The following KIF1B variants were observed in gnomAD, a reference collection of about 807,000 sequenced individuals.
The protein encoded by KIF1B is kinesin-like protein KIF1B.
In KIF1B, 76 loss-of-function variants were observed where a neutral mutation model predicts 241.9. The observed-to-expected ratio is 0.31, with a 90% confidence interval of 0.26 to 0.38. The LOEUF (loss-of-function observed/expected upper bound fraction) is 0.38. KIF1B is among the 10% of genes least tolerant of loss of function. The pLI is 1.00. For missense variants in KIF1B, 1,622 were observed against 2,271.4 expected, an observed-to-expected ratio of 0.71 and a Z score of 5.81; for synonymous variants, 750 against 796.7, an observed-to-expected ratio of 0.94 and a Z score of 0.99.
At chr1:10,353,053 AT>A (rs1323336825) in intron 38 of KIF1B, among the ~76,000 whole-genome samples, 1 of 152,244 alleles carries the variant, frequency 6.6e-6, no homozygotes, top group African/African-American at 2.4e-5. Context: ...TTCCCCAAGG[AT>A]TTAAAAGTAC....
chr1:10,233,213 G>C (rs1358558622), intron 2 of KIF1B, among the ~76,000 whole-genome samples: 1 of 152,172 alleles, frequency 6.6e-6, no homozygotes, highest in Non-Finnish European at 1.5e-5. Context: ...AATCTAGCTA[G>C]ATATTGCAGC....
At chr1:10,264,492 G>A (rs1394083003) in intron 5 of KIF1B, among the ~76,000 whole-genome samples, 2 of 152,338 alleles carry the variant, frequency 1.3e-5, no homozygotes, top group Admixed American at 1.3e-4. Flanking sequence ...AAAGGTACGA[G>A]TGTTCCAAAA....
At chr1:10,275,599 T>A in intron 11 of KIF1B, 96 bp downstream of exon 11, 1 of 803,086 alleles carries the variant, frequency 1.2e-6, no homozygotes, top group East Asian at 2.5e-5. Context: ...AAATAATCTC[T>A]AGATATTCAT....
At chr1:10,272,358 C>G in intron 9 of KIF1B, 52 bp downstream of exon 9, 1 of 1,072,798 alleles carries the variant, frequency 9.3e-7, no homozygotes, top group Non-Finnish European at 1.5e-6. Flanking sequence ...AGCAAATATA[C>G]TTGATGATAT....
chr1:10,368,387 C>G, intron 43 of KIF1B, 80 bp from the exon 44 acceptor site: 1 of 1,174,494 alleles, frequency 8.5e-7, no homozygotes, highest in Non-Finnish European at 1.3e-6. Flanking sequence ...CCTTCAGGAG[C>G]CTCCACGTGG....
chr1:10,370,796 C>A (rs1253308223), intron 44 of KIF1B, among the ~76,000 whole-genome samples: 1 of 151,180 alleles, frequency 6.6e-6, no homozygotes, highest in Non-Finnish European at 1.5e-5. Context: ...TGTTTTTTTT[C>A]TTTTTTGAAA....
chr1:10,268,695 C>T (rs1648617323), intron 7 of KIF1B, among the ~76,000 whole-genome samples: 1 of 143,386 alleles, frequency 7.0e-6, no homozygotes, highest in East Asian at 2.1e-4. Flanking sequence ...TGATATGTTT[C>T]ATTCCTGGAA....
chr1:10,337,630 C>T lies in KIF1B; in HGVS notation c.3422+97C>T, dbSNP rs1318723696. On this transcript the variant is annotated intron_variant, in intron 31 of 48. Transcript: ENST00000676179. The surrounding 1 kb of genome is among the most constrained non-coding windows in gnomAD (Gnocchi z 4.0). ...GCTTTACATGTGTGAGGGATTAACA[C>T]TCTTGAGACAAAGACTGATCAGTCT... is the stretch of plus-strand genomic sequence containing the variant. 1.1e-5 allele frequency: 15 copies of T among 1,323,340 alleles called. No individual in the cohort carries two copies. Among genetic ancestry groups the T allele is most frequent in the Admixed American group, 1.7e-5 (1 of 57,980 alleles). 82.0% of individuals were successfully genotyped at this position (1,323,340 alleles called of 1,614,324 possible).
intron 1 of KIF1B, among the ~76,000 whole-genome samples, chr1:10,219,138 A>G (rs922296957): frequency 1.1e-4 from 16 of 152,204 alleles, no homozygotes; most frequent in Non-Finnish European, 2.4e-4. Flanking sequence ...AAGATGTTCT[A>G]AGAGAAAATT....
chr1:10,308,291 C>T, intron 22 of KIF1B: 1 of 1,059,220 alleles, frequency 9.4e-7, no homozygotes, highest in Non-Finnish European at 1.1e-6. Flanking sequence ...TTGTGATGAG[C>T]AATACTGATA....
chr1:10,297,685 C>T (rs1019737678), intron 22 of KIF1B, among the ~76,000 whole-genome samples: 3 of 151,748 alleles, frequency 2.0e-5, no homozygotes, highest in Non-Finnish European at 4.4e-5. Context: ...TGGGATTGTT[C>T]TTACGCTGGG....
At chr1:10,370,590 T>TAAGAAG (rs201223277) in intron 44 of KIF1B, among the ~76,000 whole-genome samples, 5,056 of 139,780 alleles carry the variant, frequency 0.036, 314 homozygotes, top group African/African-American at 0.13. Flanking sequence ...ATAATAATAA[T>TAAGAAG]AATAAGAAGA....
intron 2 of KIF1B, among the ~76,000 whole-genome samples, chr1:10,249,828 A>G (rs898305085): frequency 6.6e-6 from 1 of 152,196 alleles, no homozygotes; most frequent in African/African-American, 2.4e-5. Flanking sequence ...ACTTGAGCCC[A>G]GGAGGCTGAG....
chr1:10,352,696 A>G lies in KIF1B; in HGVS notation c.4015A>G (p.Ile1339Val), dbSNP rs749926351. Residue 1339 changes from isoleucine to valine, a missense_variant, in exon 38 of 49, where the codon ATT becomes GTT. Coordinates refer to ENST00000676179, the MANE Select transcript of KIF1B (RefSeq NM_001365951.3). ...AVDAILSLNI[I>V]SAKYLKSSHN... ...TGATGCCATCCTCTCCCTAAATATT[A>G]TTTCTGCCAAGTACCTGAAGTCTTC... 3.7e-6 allele frequency: 6 copies of G among 1,614,006 alleles called. No homozygotes were observed. Among genetic ancestry groups the G allele is most frequent in the Non-Finnish European group, 5.1e-6 (6 of 1,179,964 alleles).
At chr1:10,308,202 G>A in intron 22 of KIF1B, 1 of 1,061,994 alleles carries the variant, frequency 9.4e-7, no homozygotes, top group African/African-American at 1.6e-5. Flanking sequence ...TGCTGCCTGT[G>A]TCCTGGTGAA....
intron 1 of KIF1B, among the ~76,000 whole-genome samples, chr1:10,213,419 C>G (rs544399930): frequency 1.3e-5 from 2 of 152,204 alleles, no homozygotes; most frequent in Non-Finnish European, 2.9e-5. Context: ...ATTTTGATTT[C>G]GTGCAGGGAA....
chr1:10,375,786 G>GTTTTTTTT (rs201620952), intron 48 of KIF1B, among the ~76,000 whole-genome samples: 27 of 69,582 alleles, frequency 3.9e-4, no homozygotes, highest in South Asian at 6.2e-4. Context: ...TTCTTTTCTT[G>GTTTTTTTT]TTTTTTTTTT....
chr1:10,264,956 C>A (rs150508369), intron 5 of KIF1B, among the ~76,000 whole-genome samples: 1 of 151,928 alleles, frequency 6.6e-6, no homozygotes, highest in Non-Finnish European at 1.5e-5. Context: ...CCACTGCGCC[C>A]GGCCTTTTTT....
At chr1:10,283,553 CAATT>C (rs1477748429) in intron 15 of KIF1B, among the ~76,000 whole-genome samples, 2 of 152,386 alleles carry the variant, frequency 1.3e-5, no homozygotes, top group East Asian at 1.9e-4. Flanking sequence ...TCTTCCTCCT[CAATT>C]AATTCAGTGC....
Sources: gnomAD v4.1 joint callset for allele counts (sites outside exome capture counted in the v4.1 genomes callset) on GRCh38, gnomAD v4.1.1 for gene constraint, Gnocchi (gnomAD v3.1) non-coding constraint, MANE v1.5 for transcripts, NCBI Gene and HGNC (gene_info 2026-07-23, HGNC 2026-07-21) for gene names.